Variants in LUZP2 observed in about 807,000 individuals in gnomAD.
The protein encoded by LUZP2 is leucine zipper protein 2.
In LUZP2, 52 loss-of-function variants were observed where a neutral mutation model predicts 51.6. The observed-to-expected ratio is 1.01, with a 90% confidence interval of 0.81 to 1.27. LUZP2 has a LOEUF of 1.27. LUZP2 is among the 50% of genes most tolerant of loss of function. The probability of loss-of-function intolerance (pLI) is 0.00; values close to 1 mark genes in which losing one functional copy is unlikely to be tolerated. For missense variants in LUZP2, 436 were observed against 395.4 expected (o/e 1.10, Z -0.87); for synonymous variants, 154 against 137.3 (o/e 1.12, Z -0.85).
chr11:24,917,786 T>C (rs1278709607), intron 7 of LUZP2, among the ~76,000 whole-genome samples: 8 of 152,174 alleles, frequency 5.3e-5, no homozygotes, highest in Admixed American at 2.6e-4. Context: ...CCAGCTTTGT[T>C]CTTTTGGCTT....
intron 1 of LUZP2, among the ~76,000 whole-genome samples, chr11:24,519,652 G>A (rs1850582168): frequency 6.6e-6 from 1 of 152,112 alleles, no homozygotes; most frequent in South Asian, 2.1e-4. Flanking sequence ...ACATGTACTG[G>A]AATTTGCTGT....
intron 1 of LUZP2, among the ~76,000 whole-genome samples, chr11:24,669,713 C>A (rs190981743): frequency 3.3e-5 from 5 of 152,012 alleles, no homozygotes; most frequent in Non-Finnish European, 5.9e-5. Context: ...AGGATGTTCA[C>A]GTGCGGTATT....
intron 5 of LUZP2, among the ~76,000 whole-genome samples, chr11:24,896,724 C>T (rs909164293): frequency 5.9e-5 from 9 of 152,218 alleles, no homozygotes; most frequent in East Asian, 3.9e-4. Context: ...CCGGTGGCCC[C>T]GGCACGGGAT....
intron 1 of LUZP2, among the ~76,000 whole-genome samples, chr11:24,609,196 TA>T (rs531311150): frequency 1.3e-5 from 2 of 151,766 alleles, no homozygotes; most frequent in Non-Finnish European, 2.9e-5. Flanking sequence ...AAGCAAGCTT[TA>T]AAAAAAATAG....
intron 9 of LUZP2, among the ~76,000 whole-genome samples, chr11:25,048,354 C>A (rs543730533): frequency 5.5e-4 from 83 of 152,238 alleles, no homozygotes; most frequent in Non-Finnish European, 1.0e-3. Flanking sequence ...TAGAACTTTT[C>A]TTATTACCCC....
chr11:24,630,112 T>A (rs1854828382), intron 1 of LUZP2, among the ~76,000 whole-genome samples: 1 of 152,118 alleles, frequency 6.6e-6, no homozygotes, highest in African/African-American at 2.4e-5. Flanking sequence ...TGGGTATATA[T>A]TGTAAATATT....
At chr11:24,733,721 TTAA>T (rs1033389659) in intron 3 of LUZP2, among the ~76,000 whole-genome samples, 130 of 151,486 alleles carry the variant, frequency 8.6e-4, no homozygotes, top group African/African-American at 3.0e-3. Context: ...ATGACTATAG[TTAA>T]TAATAAACTG....
intron 7 of LUZP2, among the ~76,000 whole-genome samples, chr11:24,975,575 G>A (rs1378326548): frequency 3.9e-5 from 6 of 152,040 alleles, no homozygotes; most frequent in Admixed American, 3.9e-4. Context: ...ATAAAGCAAA[G>A]TGGTGCAAAT....
chr11:24,713,346 G>A (rs530474817), intron 1 of LUZP2, among the ~76,000 whole-genome samples: 4 of 152,178 alleles, frequency 2.6e-5, no homozygotes, highest in Admixed American at 2.0e-4. Context: ...AAACCGAATC[G>A]AAGTCACTCT....
At chr11:24,865,127 A>G (rs181993175) in intron 5 of LUZP2, among the ~76,000 whole-genome samples, 8 of 152,276 alleles carry the variant, frequency 5.3e-5, no homozygotes, top group African/African-American at 1.9e-4. Context: ...GGAAAAGTCA[A>G]TTTTCAGAGT....
chr11:24,575,696 A>C (rs919614832), intron 1 of LUZP2, among the ~76,000 whole-genome samples: 2 of 152,200 alleles, frequency 1.3e-5, no homozygotes, highest in Non-Finnish European at 2.9e-5. Context: ...AGACACTGAG[A>C]TAAAAACATC....
At chr11:24,757,304 G>A (rs149106760) in intron 4 of LUZP2, among the ~76,000 whole-genome samples, 1 of 151,964 alleles carries the variant, frequency 6.6e-6, no homozygotes, top group Non-Finnish European at 1.5e-5. Flanking sequence ...AATATTAGTA[G>A]CACATATGTT....
intron 5 of LUZP2, among the ~76,000 whole-genome samples, chr11:24,801,150 A>G (rs1478148271): frequency 6.6e-6 from 1 of 152,166 alleles, no homozygotes; most frequent in African/African-American, 2.4e-5. Flanking sequence ...ATCCTGCTGA[A>G]TCAACATATA....
chr11:25,030,627 A>G (rs1857617648), intron 9 of LUZP2, among the ~76,000 whole-genome samples: 1 of 151,604 alleles, frequency 6.6e-6, no homozygotes, highest in Non-Finnish European at 1.5e-5. Flanking sequence ...CTGCTATAGC[A>G]TTGTAGCTCA....
At chr11:24,959,097 C>T (rs9704097) in intron 7 of LUZP2, among the ~76,000 whole-genome samples, 1 of 151,758 alleles carries the variant, frequency 6.6e-6, no homozygotes, top group South Asian at 2.1e-4. Context: ...GGGCTCTGTT[C>T]TGTTCCATTG....
At chr11:24,589,487 C>A (rs546604815) in intron 1 of LUZP2, among the ~76,000 whole-genome samples, 1 of 152,246 alleles carries the variant, frequency 6.6e-6, no homozygotes, top group South Asian at 2.1e-4. Flanking sequence ...AATTTAAGTG[C>A]AAATTATTTC....
Position 24,966,391 on chromosome 11 carries a change from C to A in LUZP2, c.523-10200C>A, listed in dbSNP as rs1489672634. 2.7e-5 allele frequency among the ~76,000 whole-genome samples: 4 copies of A among 150,898 alleles called. No individual in the cohort carries two copies. In the East Asian group the frequency reaches 7.7e-4, roughly 29 times the overall value. ...TCTCTCTGTAGTGTCTATTGAAGAA[C>A]AACATTTTATATATAATAAAATTAT... On this transcript the variant is annotated intron_variant, in intron 7 of 11. Coordinates refer to ENST00000336930, the MANE Select transcript of LUZP2 (RefSeq NM_001009909.4).
intron 1 of LUZP2, among the ~76,000 whole-genome samples, chr11:24,591,135 T>C (rs184200921): frequency 6.6e-6 from 1 of 152,194 alleles, no homozygotes; most frequent in Admixed American, 6.5e-5. Context: ...ATAAAATGTT[T>C]TTAAAACACA....
intron 5 of LUZP2, among the ~76,000 whole-genome samples, chr11:24,863,883 T>C (rs939467334): frequency 1.3e-5 from 2 of 152,170 alleles, no homozygotes; most frequent in African/African-American, 4.8e-5. Flanking sequence ...TTGAGATTCA[T>C]AATGATACCT....
Sources: gnomAD v4.1 joint callset for allele counts (sites outside exome capture counted in the v4.1 genomes callset) on GRCh38, gnomAD v4.1.1 for gene constraint, MANE v1.5 for transcripts, NCBI Gene and HGNC (gene_info 2026-07-23, HGNC 2026-07-21) for gene names.